TMEM273: variants seen among roughly 807,000 people sequenced by gnomAD.
The protein encoded by TMEM273 is chromosome 10 open reading frame 128.
A neutral mutation model predicts 17.9 loss-of-function variants in TMEM273; 19 were observed. The observed-to-expected ratio is 1.06, with a 90% CI of 0.74 to 1.55. The LOEUF is 1.55. Ranked by LOEUF, TMEM273 falls within the 40% of genes most tolerant of loss-of-function variation. The pLI, the probability that TMEM273 is intolerant of heterozygous loss-of-function variation, is 0.00. For missense variants in TMEM273, 194 were observed against 155.6 expected, an observed-to-expected ratio of 1.25 and a Z score of -1.31; for synonymous variants, 66 against 62.0, an observed-to-expected ratio of 1.07 and a Z score of -0.31.
At position 49,182,410 on chromosome 10, in the gene TMEM273, G is replaced by GA. The variant is rs1039281111; in HGVS notation, c.43+5883dup. On this transcript the variant is annotated intron_variant, in intron 1 of 6. Coordinates refer to ENST00000374153, the MANE Select transcript of TMEM273 (RefSeq NM_001288740.3). ...CATCTTTTCATTATAAATTAAGGGA[G>GA]AAAAAAAAAGACTCTGCTCTCTTCA... Among the ~76,000 whole-genome samples the GA allele has an allele frequency of 2.7e-4, 40 of 150,536 alleles. No individual in the cohort carries two copies. The East Asian group carries it at 2.9e-3, about 11-fold the overall frequency.
At chr10:49,182,137 C>T (rs1021752520) in intron 1 of TMEM273, among the ~76,000 whole-genome samples, 5 of 152,130 alleles carry the variant, frequency 3.3e-5, no homozygotes, top group African/African-American at 4.8e-5. Context: ...CTGGTGTATT[C>T]GTTTTTTGTT....
At chr10:49,172,623 G>A (rs1846652710) in intron 1 of TMEM273, among the ~76,000 whole-genome samples, 1 of 152,244 alleles carries the variant, frequency 6.6e-6, no homozygotes. Flanking sequence ...TTTGGAACCA[G>A]GAGATCTGAG....
At chr10:49,185,643 A>C (rs1347518888) in intron 1 of TMEM273, among the ~76,000 whole-genome samples, 1 of 152,220 alleles carries the variant, frequency 6.6e-6, no homozygotes, top group Non-Finnish European at 1.5e-5. Flanking sequence ...GAAAAATGCC[A>C]ATACAGAGAA....
chr10:49,188,155 C>A (rs1209606056), intron 1 of TMEM273, 139 bp downstream of exon 1: 9 of 966,224 alleles, frequency 9.3e-6, no homozygotes, highest in Non-Finnish European at 1.3e-5. Context: ...TGCTCACTAC[C>A]AGATCAAAGT....
intron 5 of TMEM273, among the ~76,000 whole-genome samples, chr10:49,164,736 G>A (rs1033950364): frequency 4.6e-5 from 7 of 151,900 alleles, no homozygotes; most frequent in Non-Finnish European, 1.0e-4. Flanking sequence ...TAGTCCTTCC[G>A]CACGTAGCCT....
At chr10:49,161,551 A>C (rs1468626392) in intron 6 of TMEM273, 48 bp downstream of exon 6, 8 of 1,613,510 alleles carry the variant, frequency 5.0e-6, no homozygotes, top group Admixed American at 1.7e-5. Context: ...CATGGGGCAG[A>C]GACTGCCTGT....
intron 6 of TMEM273, among the ~76,000 whole-genome samples, chr10:49,156,591 T>A (rs964584585): frequency 6.6e-6 from 1 of 152,248 alleles, no homozygotes; most frequent in Non-Finnish European, 1.5e-5. Flanking sequence ...ATGGTATATA[T>A]GCTTACATTG....
chr10:49,172,324 T>C (rs1437390510), intron 1 of TMEM273, among the ~76,000 whole-genome samples: 1 of 152,114 alleles, frequency 6.6e-6, no homozygotes, highest in Non-Finnish European at 1.5e-5. Context: ...GGAGACAAGA[T>C]TTACACTGAA....
intron 1 of TMEM273, among the ~76,000 whole-genome samples, chr10:49,168,742 G>T (rs2132168379): frequency 6.6e-6 from 1 of 152,010 alleles, no homozygotes; most frequent in African/African-American, 2.4e-5. Flanking sequence ...AGGAAAGAAA[G>T]AAGGAAAGAG....
chr10:49,180,685 C>T (rs535858646), intron 1 of TMEM273, among the ~76,000 whole-genome samples: 17 of 152,254 alleles, frequency 1.1e-4, no homozygotes, highest in South Asian at 1.0e-3. Flanking sequence ...GCCATCACCT[C>T]GATGATACAG....
chr10:49,178,140 G>A, intron 1 of TMEM273: 3 of 456,540 alleles, frequency 6.6e-6, no homozygotes, highest in South Asian at 3.1e-5. Context: ...AAGGCCCAAT[G>A]TCCTCCCAGG....
At chr10:49,186,020 A>G (rs939342751) in intron 1 of TMEM273, among the ~76,000 whole-genome samples, 7 of 132,736 alleles carry the variant, frequency 5.3e-5, no homozygotes, top group Admixed American at 1.6e-4. Flanking sequence ...AGGAGGAGGA[A>G]GAAGAAGAAG....
In TMEM273 at chr10:49,165,767, T is replaced by C. The variant is rs781064904; in HGVS notation, c.268A>G (p.Arg90Gly). ...DTIPLKKRAPRKLQASTLFSF... is the reference protein window; with the variant it reads ...DTIPLKKRAPGKLQASTLFSF... Reference sequence around the variant, plus strand: ...TGACTGTGTGGGCAGTGACCTTACCTTGGGGCTCTCTTCTTTAGCGGGATG... The same window carrying C: ...TGACTGTGTGGGCAGTGACCTTACCCTGGGGCTCTCTTCTTTAGCGGGATG... The change falls in exon 4 of 7, where the codon AGA becomes GGA. Residue 90 changes from arginine to glycine, a missense_variant and splice_region_variant. By Grantham distance (125) the Arg-to-Gly change is moderately radical. Transcript: ENST00000374153. 1.2e-6 allele frequency: 2 copies of C among 1,614,188 alleles called. No individual in the cohort carries two copies. Among genetic ancestry groups the C allele is most frequent in the Non-Finnish European group, 1.7e-6 (2 of 1,180,016 alleles).
intron 1 of TMEM273, among the ~76,000 whole-genome samples, chr10:49,176,739 G>A (rs1238207974): frequency 1.3e-5 from 2 of 152,078 alleles, no homozygotes; most frequent in Non-Finnish European, 2.9e-5. Context: ...TGCTGCAGAG[G>A]AAACGGCAGC....
At chr10:49,185,426 C>T (rs1250693748) in intron 1 of TMEM273, among the ~76,000 whole-genome samples, 4 of 152,164 alleles carry the variant, frequency 2.6e-5, no homozygotes, top group East Asian at 3.9e-4. Context: ...GTACAGTTCT[C>T]ATACACCCTG....
chr10:49,187,358 C>A (rs1320748808), intron 1 of TMEM273, among the ~76,000 whole-genome samples: 3 of 152,224 alleles, frequency 2.0e-5, no homozygotes, highest in Non-Finnish European at 4.4e-5. Context: ...TAGATGGAAA[C>A]CTGCCCACAG....
intron 2 of TMEM273, 26 bp downstream of exon 2, chr10:49,167,883 A>T: frequency 6.2e-7 from 1 of 1,613,476 alleles, no homozygotes. Flanking sequence ...GACCCTGTGC[A>T]CAGAATAACA....
At chr10:49,161,988 C>T (rs1845873504) in intron 5 of TMEM273, among the ~76,000 whole-genome samples, 2 of 152,210 alleles carry the variant, frequency 1.3e-5, no homozygotes, top group Admixed American at 1.3e-4. Context: ...CTTCCTCTAG[C>T]ATCCCTTCAT....
intron 5 of TMEM273, among the ~76,000 whole-genome samples, chr10:49,162,630 T>C (rs542190625): frequency 9.9e-5 from 15 of 152,258 alleles, no homozygotes; most frequent in African/African-American, 3.6e-4. Context: ...TCTCCACATG[T>C]TTCAATATTC....
Sources: allele counts gnomAD v4.1 joint callset (sites outside exome capture counted in the v4.1 genomes callset), GRCh38; gene constraint gnomAD v4.1.1; transcripts MANE v1.5; gene names NCBI Gene and HGNC (gene_info 2026-07-23, HGNC 2026-07-21).